Variants in COBL observed in about 807,000 individuals in gnomAD.
COBL encodes cordon-bleu WH2 repeat protein.
Under a neutral mutation model 98.8 loss-of-function variants are expected in COBL, and 51 were observed. The observed-to-expected ratio is 0.52, with a 90% confidence interval of 0.41 to 0.65. The LOEUF is 0.65. Ranked by LOEUF, COBL falls within the 30% of genes least tolerant of loss-of-function variation. COBL has a pLI of 0.00. For synonymous variants in COBL, 634 were observed against 651.7 expected, an observed-to-expected ratio of 0.97 and a Z score of 0.41; for missense variants, 1,617 against 1,617.5, an observed-to-expected ratio of 1.00 and a Z score of 0.01.
intron 1 of COBL, among the ~76,000 whole-genome samples, chr7:51,257,222 T>C (rs1797272212): frequency 6.6e-6 from 1 of 152,198 alleles, no homozygotes; most frequent in South Asian, 2.1e-4. Flanking sequence ...AATAGTGAAT[T>C]ACGTCCCCAA....
At chr7:51,036,733 C>T (rs1440816146) in intron 8 of COBL, among the ~76,000 whole-genome samples, 1 of 152,152 alleles carries the variant, frequency 6.6e-6, no homozygotes, top group Admixed American at 6.5e-5. Flanking sequence ...TCCAGGGAGG[C>T]TCCCTTCAAC....
At chr7:51,059,204 GTATT>G (rs1309245358) in intron 7 of COBL, among the ~76,000 whole-genome samples, 2 of 152,126 alleles carry the variant, frequency 1.3e-5, no homozygotes, top group South Asian at 2.1e-4. Flanking sequence ...TGTATAGCTC[GTATT>G]TATTTCAATG....
chr7:51,034,713 T>A (rs1429588436), intron 8 of COBL: 4 of 152,188 alleles, frequency 2.6e-5, no homozygotes, highest in African/African-American at 9.6e-5. Flanking sequence ...CCCTGAAGAG[T>A]TAGCAGTCAG....
chr7:51,291,412 C>T (rs1161966174), intron 1 of COBL, among the ~76,000 whole-genome samples: 1 of 152,158 alleles, frequency 6.6e-6, no homozygotes, highest in African/African-American at 2.4e-5. Context: ...AGGAAATTAG[C>T]TGTCATTAAG....
chr7:51,088,900 G>C (rs1273491740), intron 6 of COBL, among the ~76,000 whole-genome samples: 1 of 152,148 alleles, frequency 6.6e-6, no homozygotes, highest in African/African-American at 2.4e-5. Context: ...TGTGGCATGT[G>C]GGTTTTCGCT....
At chr7:51,174,364 G>C (rs1788162353) in intron 5 of COBL, among the ~76,000 whole-genome samples, 1 of 151,800 alleles carries the variant, frequency 6.6e-6, no homozygotes, top group African/African-American at 2.4e-5. Context: ...AAAATCAAGA[G>C]AAACAAGAAG....
intron 8 of COBL, 108 bp downstream of exon 8, chr7:51,043,275 G>A: frequency 2.7e-6 from 3 of 1,093,592 alleles, no homozygotes; most frequent in South Asian, 1.5e-5. Flanking sequence ...GGCCCCTGGT[G>A]CAGAGCAGGT....
At chr7:51,223,407 G>A (rs1041320068) in intron 1 of COBL, among the ~76,000 whole-genome samples, 1 of 152,166 alleles carries the variant, frequency 6.6e-6, no homozygotes, top group African/African-American at 2.4e-5. Context: ...AGTAAAAAAC[G>A]GCTGTGTGTT....
intron 12 of COBL, among the ~76,000 whole-genome samples, chr7:51,020,299 C>A (rs966641074): frequency 3.3e-5 from 5 of 152,114 alleles, no homozygotes; most frequent in Admixed American, 3.3e-4. Context: ...AGGAAAGATC[C>A]ACAAGTCATC....
Position 51,190,830 on chromosome 7 carries a change from G to C in COBL, c.685+20C>G. The C allele has an allele frequency of 6.2e-7, 1 of 1,603,152 alleles. No homozygotes were observed. The highest frequency in any genetic ancestry group is 8.5e-7 in the Non-Finnish European group (1 of 1,170,834). On this transcript the variant is annotated intron_variant, in intron 4 of 12. Coordinates refer to ENST00000265136, the MANE Select transcript of COBL (RefSeq NM_015198.5). ...TCCGTGTGATTATGGGCAGGTGCGT[G>C]AGACGCAGCGGGGCCTCACCTCTTC...
chr7:51,026,440 T>A (rs2128868804), intron 11 of COBL, 106 bp downstream of exon 11: 1 of 1,431,400 alleles, frequency 7.0e-7, no homozygotes, highest in East Asian at 2.4e-5. Flanking sequence ...TGGTTCACCA[T>A]CCAATCGGAA....
At chr7:51,284,620 A>C (rs1283265120) in intron 1 of COBL, among the ~76,000 whole-genome samples, 2 of 151,852 alleles carry the variant, frequency 1.3e-5, no homozygotes, top group African/African-American at 2.4e-5. Flanking sequence ...TGAGGTCAGG[A>C]GTTCGAGACC....
At position 51,029,558 on chromosome 7, in the gene COBL, G is replaced by A. The variant is rs61739178; in HGVS notation, c.1538C>T (p.Ser513Phe). ...MEDSYETDTSSLTSSIHGASN... is the reference protein window; with the variant it reads ...MEDSYETDTSFLTSSIHGASN... ...TGCACCATGGATGGAGCTGGTGAGG[G>A]AGCTGGTGTCTGTTTCATAGCTGTC... The change falls in exon 10 of 13, where the codon TCC (serine) becomes TTC (phenylalanine). Residue 513 changes from serine (S) to phenylalanine (F), a missense_variant. Physicochemically the swap from Ser to Phe is radical, Grantham distance 155 (BLOSUM62 -2). This residue lies in a region of COBL where 1,304 missense variants were observed against 1,282.0 expected (regional missense o/e 1.02). Transcript: ENST00000265136. The A allele has an allele frequency of 0.01, 16,241 of 1,605,870 alleles. 116 individuals are homozygous for A. The highest frequency in any genetic ancestry group is 0.012 in the Non-Finnish European group (14,339 of 1,173,728).
intron 2 of COBL, among the ~76,000 whole-genome samples, chr7:51,196,760 G>C (rs59956469): frequency 6.6e-6 from 1 of 151,792 alleles, no homozygotes; most frequent in African/African-American, 2.4e-5. Context: ...TTGGGAGAGT[G>C]TGTGTGTGTC....
chr7:51,018,513 G>A (rs1786525707), intron 12 of COBL: 1 of 152,032 alleles, frequency 6.6e-6, no homozygotes, highest in Non-Finnish European at 1.5e-5. Flanking sequence ...TCCCATGGTG[G>A]GGATTTAACA....
intron 2 of COBL, among the ~76,000 whole-genome samples, chr7:51,202,198 C>T (rs77537983): frequency 0.044 from 6,697 of 151,932 alleles, 383 homozygotes; most frequent in South Asian, 0.15. Context: ...GTAAAAGTTC[C>T]TGACTTAATA....
intron 5 of COBL, among the ~76,000 whole-genome samples, chr7:51,141,394 T>C (rs1479459549): frequency 4.6e-5 from 7 of 152,134 alleles, no homozygotes; most frequent in Non-Finnish European, 8.8e-5. Context: ...TAGAAGGACA[T>C]GATGTTTGCT....
chr7:51,143,595 C>A (rs1784757565), intron 5 of COBL, among the ~76,000 whole-genome samples: 1 of 152,154 alleles, frequency 6.6e-6, no homozygotes, highest in Non-Finnish European at 1.5e-5. Context: ...TGTAGATGTG[C>A]ATGGGGCAGG....
At chr7:51,122,229 C>T (rs879548699) in intron 6 of COBL, among the ~76,000 whole-genome samples, 1 of 152,210 alleles carries the variant, frequency 6.6e-6, no homozygotes, top group Non-Finnish European at 1.5e-5. Flanking sequence ...AGACGTTAAG[C>T]AACTAAAATA....
Sources: allele counts gnomAD v4.1 joint callset (sites outside exome capture counted in the v4.1 genomes callset), GRCh38; gene constraint gnomAD v4.1.1; regional missense constraint gnomAD v4.1.1; transcripts MANE v1.5; gene names NCBI Gene and HGNC (gene_info 2026-07-23, HGNC 2026-07-21).